The following NR3C2 variants were observed in gnomAD, a reference collection of about 807,000 sequenced individuals.
NR3C2 encodes the protein nuclear receptor subfamily 3 group C member 2, also known as mineralocorticoid receptor.
A neutral mutation model predicts 86.4 loss-of-function variants in NR3C2; 15 were observed. The ratio of observed to expected loss-of-function variants is 0.17; its 90% CI spans 0.12 to 0.27. NR3C2 has a LOEUF of 0.27. NR3C2 is among the 10% of genes least tolerant of loss of function. The probability of loss-of-function intolerance (pLI) is 1.00; values close to 1 mark genes in which losing one functional copy is unlikely to be tolerated. For synonymous variants in NR3C2, 458 were observed against 450.5 expected, an observed-to-expected ratio of 1.02 and a Z score of -0.21; for missense variants, 960 against 1,195.6, an observed-to-expected ratio of 0.80 and a Z score of 2.91.
chr4:148,286,207 G>C (rs1296441886), intron 2 of NR3C2, among the ~76,000 whole-genome samples: 1 of 152,146 alleles, frequency 6.6e-6, no homozygotes, highest in Non-Finnish European at 1.5e-5. Flanking sequence ...CTGGGGATAT[G>C]CTAAACCAAG....
chr4:148,427,964 GAATA>G (rs1349835352), intron 2 of NR3C2, among the ~76,000 whole-genome samples: 3 of 152,146 alleles, frequency 2.0e-5, no homozygotes, highest in Non-Finnish European at 4.4e-5. Flanking sequence ...ATAAATATCT[GAATA>G]AACAAAGTCT....
intron 8 of NR3C2, among the ~76,000 whole-genome samples, chr4:148,083,643 C>T (rs1236753364): frequency 2.6e-5 from 4 of 152,136 alleles, no homozygotes; most frequent in East Asian, 3.9e-4. Context: ...TACAAAGGAT[C>T]ACAACTCCTC....
intron 6 of NR3C2, among the ~76,000 whole-genome samples, chr4:148,148,995 T>C (rs1733990265): frequency 6.6e-6 from 1 of 152,236 alleles, no homozygotes; most frequent in East Asian, 1.9e-4. Context: ...ATACAGGGTC[T>C]ATCATGGTAC....
intron 2 of NR3C2, among the ~76,000 whole-genome samples, chr4:148,371,655 C>T (rs1342694779): frequency 2.0e-5 from 3 of 151,712 alleles, no homozygotes; most frequent in African/African-American, 4.8e-5. Flanking sequence ...CAAAAGCACC[C>T]GAAATTTGAA....
intron 2 of NR3C2, among the ~76,000 whole-genome samples, chr4:148,385,262 T>C (rs1747204348): frequency 6.6e-6 from 1 of 152,156 alleles, no homozygotes; most frequent in East Asian, 1.9e-4. Flanking sequence ...ATCATGTAGG[T>C]CATCTAAAAT....
At chr4:148,368,473 C>T (rs1387116201) in intron 2 of NR3C2, 2 of 152,064 alleles carry the variant, frequency 1.3e-5, no homozygotes, top group Non-Finnish European at 2.9e-5. Flanking sequence ...GTTATTACAT[C>T]ATAATGACAC....
At chr4:148,352,220 C>T (rs994676096) in intron 2 of NR3C2, among the ~76,000 whole-genome samples, 2 of 152,134 alleles carry the variant, frequency 1.3e-5, no homozygotes, top group Non-Finnish European at 2.9e-5. Flanking sequence ...ATTCCTCTCT[C>T]TGTTTTTGAA....
chr4:148,155,991 G>A (rs1373694930), intron 4 of NR3C2, among the ~76,000 whole-genome samples: 2 of 152,158 alleles, frequency 1.3e-5, no homozygotes, highest in Admixed American at 6.5e-5. Context: ...TGACAAACCC[G>A]AGGAAAACAA....
At chr4:148,402,266 T>G (rs1382165693) in intron 2 of NR3C2, among the ~76,000 whole-genome samples, 1 of 152,208 alleles carries the variant, frequency 6.6e-6, no homozygotes, top group Non-Finnish European at 1.5e-5. Flanking sequence ...GTAATTATTC[T>G]GAACTAGGAA....
intron 2 of NR3C2, among the ~76,000 whole-genome samples, chr4:148,331,886 TC>T (rs1483194473): frequency 6.6e-6 from 1 of 152,218 alleles, no homozygotes; most frequent in Non-Finnish European, 1.5e-5. Flanking sequence ...TCTTCACAGC[TC>T]CATCTCACAA....
intron 4 of NR3C2, among the ~76,000 whole-genome samples, chr4:148,155,839 T>C (rs1734355777): frequency 6.6e-6 from 1 of 152,134 alleles, no homozygotes; most frequent in Non-Finnish European, 1.5e-5. Context: ...GCTGGAGGAA[T>C]CACACTACCT....
intron 3 of NR3C2, among the ~76,000 whole-genome samples, chr4:148,250,820 G>A (rs1228243547): frequency 6.6e-6 from 1 of 152,126 alleles, no homozygotes; most frequent in African/African-American, 2.4e-5. Context: ...TCCTGAGTCT[G>A]TCAAAGGTTG....
At position 148,195,008 on chromosome 4, in the gene NR3C2, T is replaced by C. The variant is rs3910056; in HGVS notation, c.1898-146A>G. On this transcript the variant is annotated intron_variant, in intron 3 of 8. Coordinates refer to ENST00000358102, the MANE Select transcript of NR3C2 (RefSeq NM_000901.5). The stretch of plus-strand genomic sequence containing the variant: ...AAAAGTACATGATTTGTGGATAATA[T>C]AGAGGAGGAGATGGTCAGCTTAATG... 0.56 allele frequency: 363,757 copies of C among 654,818 alleles called. 103,121 individuals are homozygous for C. The highest frequency in any genetic ancestry group is 0.74 in the East Asian group (27,281 of 36,892). 40.6% of individuals were successfully genotyped at this position (654,818 alleles called of 1,614,324 possible).
chr4:148,309,830 C>T (rs572999902), intron 2 of NR3C2, among the ~76,000 whole-genome samples: 224 of 152,222 alleles, frequency 1.5e-3, no homozygotes, highest in Middle Eastern at 3.4e-3. Context: ...TATTTGACTC[C>T]TTATTTATCT....
At chr4:148,352,424 C>G (rs957610592) in intron 2 of NR3C2, among the ~76,000 whole-genome samples, 4 of 144,004 alleles carry the variant, frequency 2.8e-5, no homozygotes, top group African/African-American at 5.1e-5. Flanking sequence ...ATCTATCTAT[C>G]TATCTCCTTG....
At chr4:148,136,173 A>G in intron 6 of NR3C2, among the ~76,000 whole-genome samples, 1 of 152,062 alleles carries the variant, frequency 6.6e-6, no homozygotes, top group African/African-American at 2.4e-5. Flanking sequence ...TAAAAGTCTT[A>G]GCATGCCTAA....
At chr4:148,276,358 T>A (rs1464545049) in intron 2 of NR3C2, among the ~76,000 whole-genome samples, 3 of 152,190 alleles carry the variant, frequency 2.0e-5, no homozygotes, top group Non-Finnish European at 4.4e-5. Context: ...CCTACAACTC[T>A]GATGTGCATC....
intron 2 of NR3C2, among the ~76,000 whole-genome samples, chr4:148,297,006 T>C (rs1742085238): frequency 6.6e-6 from 1 of 152,184 alleles, no homozygotes; most frequent in African/African-American, 2.4e-5. Context: ...AAATTTAAAA[T>C]CAGTTGCTCA....
chr4:148,192,287 C>T (rs528285658), intron 4 of NR3C2, among the ~76,000 whole-genome samples: 41 of 152,258 alleles, frequency 2.7e-4, no homozygotes, highest in African/African-American at 8.2e-4. Context: ...TACCTGGCTC[C>T]GGGCTGGCAT....
Sources: gnomAD v4.1 joint callset for allele counts (sites outside exome capture counted in the v4.1 genomes callset) on GRCh38, gnomAD v4.1.1 for gene constraint, MANE v1.5 for transcripts, NCBI Gene and HGNC (gene_info 2026-07-23, HGNC 2026-07-21) for gene names.